Variants in TGM2 observed in about 807,000 individuals in gnomAD.
TGM2 encodes transglutaminase 2.
A neutral mutation model predicts 75.6 loss-of-function variants in TGM2; 53 were observed. The ratio of observed to expected loss-of-function variants is 0.70; its 90% CI spans 0.56 to 0.88. TGM2 has a LOEUF of 0.88. Ranked by LOEUF, TGM2 falls within the 40% of genes least tolerant of loss-of-function variation. The pLI is 0.00. For missense variants in TGM2, 842 were observed against 928.5 expected (o/e 0.91, Z 1.21); for synonymous variants, 374 against 381.1 (o/e 0.98, Z 0.22).
intron 10 of TGM2, 117 bp downstream of exon 10, chr20:38,137,996 G>C (rs2074920357): frequency 8.1e-6 from 12 of 1,477,010 alleles, no homozygotes; most frequent in Non-Finnish European, 1.1e-5. Context: ...GCCTGCCCCA[G>C]AGTCAGCGCC....
chr20:38,132,787 C>T, intron 10 of TGM2: 1 of 518,026 alleles, frequency 1.9e-6, no homozygotes, highest in Non-Finnish European at 3.7e-6. Context: ...GCCACTCCAC[C>T]TCCCAGGTCC....
At chr20:38,156,930 C>G (rs926535622) in intron 2 of TGM2, among the ~76,000 whole-genome samples, 2 of 152,150 alleles carry the variant, frequency 1.3e-5, no homozygotes, top group African/African-American at 4.8e-5. Context: ...AGGACACTCC[C>G]CAGCCGGGTT....
Position 38,132,456 on chromosome 20 carries a change from A to G in TGM2, c.1660T>C (p.Cys554Arg). The change falls in exon 11 of 13, where the codon TGC becomes CGC. Residue 554 changes from cysteine (C) to arginine (R), a missense_variant. Physicochemically the swap from Cys to Arg is radical, Grantham distance 180. Transcript: ENST00000361475. ...LCILYEKYRD[C>R]LTESNLIKVR... ...TTGATGAGGTTGGACTCCGTAAGGC[A>G]GTCACGGTATTTCTCATAGAGGATG... is the stretch of plus-strand genomic sequence containing the variant. The G allele has an allele frequency of 6.2e-7, 1 of 1,614,194 alleles. No individual in the cohort carries two copies. Among genetic ancestry groups the G allele is most frequent in the Non-Finnish European group, 8.5e-7 (1 of 1,180,034 alleles).
At chr20:38,158,104 G>A (rs553445363) in intron 2 of TGM2, among the ~76,000 whole-genome samples, 4 of 152,268 alleles carry the variant, frequency 2.6e-5, no homozygotes, top group Admixed American at 6.5e-5. Context: ...GTCCCTGCTC[G>A]GAGGATCAAT....
chr20:38,137,799 G>A (rs2122869265), intron 10 of TGM2: 1 of 171,210 alleles, frequency 5.8e-6, no homozygotes, highest in South Asian at 1.9e-4. Flanking sequence ...CGAAGATGAG[G>A]TGAAACCAAA....
Position 38,146,670 on chromosome 20 carries a change from G to A in TGM2, c.859+47C>T, listed in dbSNP as rs767121544. ...CCTGATTCCTACTCCAGTGCTCTTCGTGCCCCCTCCCAGGGCTCATGACCC... is the reference window on the plus strand; with the variant it reads ...CCTGATTCCTACTCCAGTGCTCTTCATGCCCCCTCCCAGGGCTCATGACCC... On this transcript the variant is annotated intron_variant, in intron 6 of 12. Transcript: ENST00000361475. The A allele has an allele frequency of 1.4e-5, 22 of 1,608,506 alleles. No individual in the cohort carries two copies. The East Asian group carries it at 1.8e-4, about 13-fold the overall frequency.
chr20:38,145,399 C>G (rs562021668), intron 6 of TGM2: 1 of 152,300 alleles, frequency 6.6e-6, no homozygotes, highest in Non-Finnish European at 1.5e-5. Flanking sequence ...ATTTTAAGCA[C>G]TTCCCACATT....
Position 38,157,274 on chromosome 20 carries a change from C to T in TGM2, c.191-1185G>A, listed in dbSNP as rs539488659. On this transcript the variant is annotated intron_variant, in intron 2 of 12. Coordinates refer to ENST00000361475, the MANE Select transcript of TGM2 (RefSeq NM_004613.4). ...CACCCACACCCAGCTCAAATGTAAC[C>T]ATGAACTAACAGGCATGACACAGGC... Among the ~76,000 whole-genome samples the T allele has an allele frequency of 1.2e-3, 188 of 152,156 alleles. 1 individual carries two copies. The highest frequency in any genetic ancestry group is 4.0e-3 in the African/African-American group (165 of 41,540).
At chr20:38,132,783 C>T (rs1412921987) in intron 10 of TGM2, 9 of 528,942 alleles carry the variant, frequency 1.7e-5, no homozygotes, top group African/African-American at 9.5e-5. Flanking sequence ...GTGAGCCACT[C>T]CACCTCCCAG....
At chr20:38,158,559 C>T (rs1348905742) in intron 2 of TGM2, among the ~76,000 whole-genome samples, 1 of 152,162 alleles carries the variant, frequency 6.6e-6, no homozygotes, top group East Asian at 1.9e-4. Flanking sequence ...GACTTCACTC[C>T]CATTGTGACT....
rs374461671 is a variant in TGM2, at chr20:38,158,429, G to A, written c.191-2340C>T. Among the ~76,000 whole-genome samples, 49 of 152,320 alleles carry A rather than the reference G, an allele frequency of 3.2e-4. No homozygotes were observed. In the East Asian group the frequency reaches 8.1e-3, roughly 25 times the overall value. ...GGGCCCAAATGACCACAGGGAGCCT[G>A]GGGGTCCTGGCCACTATCCCAGACC... On this transcript the variant is annotated intron_variant, in intron 2 of 12. Coordinates refer to ENST00000361475, the MANE Select transcript of TGM2 (RefSeq NM_004613.4).
At position 38,142,028 on chromosome 20, in the gene TGM2, T is replaced by C. The variant is rs372311276; in HGVS notation, c.995+36A>G. On this transcript the variant is annotated intron_variant, in intron 7 of 12. Coordinates refer to ENST00000361475, the MANE Select transcript of TGM2 (RefSeq NM_004613.4). ...GGTTTCCTCTCCATGGGGCCCTCCC[T>C]ACTGGGCTCCGATCCCACCCTGGCC... The C allele has an allele frequency of 3.1e-6, 5 of 1,613,726 alleles. No homozygotes were observed. The African/African-American group carries it at 5.3e-5, about 17-fold the overall frequency.
intron 1 of TGM2, 44 bp downstream of exon 1, chr20:38,165,145 C>T (rs754840528): frequency 6.2e-7 from 1 of 1,613,942 alleles, no homozygotes; most frequent in Non-Finnish European, 8.5e-7. Flanking sequence ...ACCCCCAATG[C>T]CCCGGGGCCC....
At chr20:38,161,653 G>A in intron 1 of TGM2, 54 bp from the exon 2 acceptor site, 2 of 1,599,166 alleles carry the variant, frequency 1.3e-6, no homozygotes, top group Non-Finnish European at 1.7e-6. Context: ...CAGACCTCCA[G>A]TGATGCACCT....
At chr20:38,139,774 G>C in intron 8 of TGM2, 120 bp from the exon 9 acceptor site, 3 of 1,335,382 alleles carry the variant, frequency 2.2e-6, no homozygotes, top group Non-Finnish European at 3.1e-6. Flanking sequence ...GCCCTCTGAC[G>C]GAAGGACTCC....
At chr20:38,163,132 A>G (rs1170320452) in intron 1 of TGM2, among the ~76,000 whole-genome samples, 1 of 152,208 alleles carries the variant, frequency 6.6e-6, no homozygotes, top group African/African-American at 2.4e-5. Context: ...GGAGCAGAGG[A>G]CCAGGGCACG....
chr20:38,128,435 C>A lies in TGM2; in HGVS notation c.*1784G>T, dbSNP rs2074788391. 1.3e-5 allele frequency: 2 copies of A among 152,086 alleles called. No individual in the cohort carries two copies. The highest frequency in any genetic ancestry group is 4.8e-5 in the African/African-American group (2 of 41,436). The allele number at this position is 152,086 out of a possible 1,614,324, so 9.4% of individuals were successfully genotyped here. On this transcript the variant is annotated 3_prime_UTR_variant, in exon 13 of 13. Transcript: ENST00000361475. ...GCTCACCTACCCATCTCCCTCCAAA[C>A]TCATAAAGGAACAGACCAGACCTAG...
intron 4 of TGM2, 55 bp downstream of exon 4, chr20:38,150,884 G>A: frequency 7.4e-7 from 1 of 1,357,024 alleles, no homozygotes; most frequent in Non-Finnish European, 1.1e-6. Flanking sequence ...CAGACACAGG[G>A]CCGGGCACAC....
At chr20:38,136,134 CT>C (rs1366245514) in intron 10 of TGM2, among the ~76,000 whole-genome samples, 1 of 152,178 alleles carries the variant, frequency 6.6e-6, no homozygotes, top group Non-Finnish European at 1.5e-5. Flanking sequence ...GCTGAGGAGT[CT>C]GCCCCGGGCC....
Sources: gnomAD v4.1 joint callset for allele counts (sites outside exome capture counted in the v4.1 genomes callset) on GRCh38, gnomAD v4.1.1 for gene constraint, MANE v1.5 for transcripts, NCBI Gene and HGNC (gene_info 2026-07-23, HGNC 2026-07-21) for gene names.